Variants in FRMD4A observed in about 807,000 individuals in gnomAD.
FRMD4A encodes FERM domain containing 4A, also known as FERM domain-containing protein 4A.
Under a neutral mutation model 129.1 loss-of-function variants are expected in FRMD4A, and 29 were observed. The ratio of observed to expected loss-of-function variants is 0.22; its 90% confidence interval spans 0.17 to 0.31. FRMD4A has a LOEUF of 0.31. Ranked by LOEUF, FRMD4A falls within the 10% of genes least tolerant of loss-of-function variation. FRMD4A has a pLI of 1.00. For missense variants in FRMD4A, 1,272 were observed against 1,375.8 expected, an observed-to-expected ratio of 0.92 and a Z score of 1.19; for synonymous variants, 634 against 571.6, an observed-to-expected ratio of 1.11 and a Z score of -1.56.
intron 2 of FRMD4A, among the ~76,000 whole-genome samples, chr10:13,939,595 A>G (rs2095275257): frequency 6.6e-6 from 1 of 152,212 alleles, no homozygotes; most frequent in Non-Finnish European, 1.5e-5. Flanking sequence ...AAATGTCCAT[A>G]TGTCAAAGGT....
At chr10:13,931,950 A>AAAAC (rs1243851044) in intron 2 of FRMD4A, among the ~76,000 whole-genome samples, 115 of 124,722 alleles carry the variant, frequency 9.2e-4, no homozygotes, top group Non-Finnish European at 1.6e-3. Context: ...CTCTGTCTCA[A>AAAAC]AAACCAACCA....
At chr10:13,708,649 T>C (rs1330735463) in intron 12 of FRMD4A, among the ~76,000 whole-genome samples, 2 of 152,246 alleles carry the variant, frequency 1.3e-5, no homozygotes, top group Non-Finnish European at 1.5e-5. Flanking sequence ...AGCTCTATGT[T>C]GGCTGACAGC....
chr10:13,657,527 C>A lies in FRMD4A; in HGVS notation c.2067-5G>T, dbSNP rs1025776786. 4 of 1,363,208 alleles carry A rather than the reference C, an allele frequency of 2.9e-6. No homozygotes were observed. The highest frequency in any genetic ancestry group is 2.1e-5 in the Admixed American group (1 of 48,214). The allele number at this position is 1,363,208 out of a possible 1,614,324, so 84.4% of individuals were successfully genotyped here. A position where few individuals can be genotyped will look rare whatever the true frequency, so the allele number is the denominator to read the frequency against. On this transcript the variant is annotated splice_region_variant and splice_polypyrimidine_tract_variant and intron_variant, in intron 21 of 24. Transcript: ENST00000357447. Reference sequence around the variant, plus strand: ...GTGGGGCTGATGTCCACCGACCTGCCGGGAGACGACCCGGGTTGGTCTGGG... The same window carrying A: ...GTGGGGCTGATGTCCACCGACCTGCAGGGAGACGACCCGGGTTGGTCTGGG...
intron 2 of FRMD4A, among the ~76,000 whole-genome samples, chr10:14,019,517 A>G (rs1005513973): frequency 2.6e-5 from 4 of 152,180 alleles, no homozygotes; most frequent in Non-Finnish European, 5.9e-5. Flanking sequence ...GGGGGAAGAG[A>G]CACATGTGTT....
intron 2 of FRMD4A, among the ~76,000 whole-genome samples, chr10:14,014,446 AG>A (rs1197467872): frequency 6.6e-6 from 1 of 152,204 alleles, no homozygotes; most frequent in Non-Finnish European, 1.5e-5. Flanking sequence ...CTAGAGCAGG[AG>A]GGGGGAGTTT....
At chr10:14,305,237 TTAC>T (rs1846310505) in intron 2 of FRMD4A, among the ~76,000 whole-genome samples, 1 of 152,212 alleles carries the variant, frequency 6.6e-6, no homozygotes, top group South Asian at 2.1e-4. Flanking sequence ...CTTGAGCTAT[TTAC>T]CAGGTTCATT....
At chr10:13,957,496 C>T (rs907237188) in intron 2 of FRMD4A, among the ~76,000 whole-genome samples, 4 of 152,230 alleles carry the variant, frequency 2.6e-5, no homozygotes, top group African/African-American at 7.2e-5. Flanking sequence ...CTTAGGTGAT[C>T]CACCCGCCTC....
At chr10:13,849,871 T>C (rs1173785805) in intron 3 of FRMD4A, among the ~76,000 whole-genome samples, 1 of 151,716 alleles carries the variant, frequency 6.6e-6, no homozygotes, top group East Asian at 2.0e-4. Flanking sequence ...CACCTGTGCA[T>C]AGAGAATCCA....
chr10:13,845,606 C>A (rs940364169), intron 3 of FRMD4A, among the ~76,000 whole-genome samples: 4 of 152,128 alleles, frequency 2.6e-5, no homozygotes, highest in African/African-American at 9.7e-5. Context: ...GTTACCATAG[C>A]TACTAAGCAG....
At chr10:14,137,289 T>C (rs1346059378) in intron 2 of FRMD4A, among the ~76,000 whole-genome samples, 2 of 152,246 alleles carry the variant, frequency 1.3e-5, no homozygotes, top group African/African-American at 4.8e-5. Context: ...ATCCTGACTC[T>C]GAAACAAGAT....
chr10:14,329,364 G>C (rs553713298), intron 2 of FRMD4A, among the ~76,000 whole-genome samples: 1 of 152,190 alleles, frequency 6.6e-6, no homozygotes, highest in East Asian at 1.9e-4. Context: ...AAGCCAATTG[G>C]GTTGGAACAA....
chr10:14,137,838 C>T (rs115360296), intron 2 of FRMD4A, among the ~76,000 whole-genome samples: 1,657 of 152,260 alleles, frequency 0.011, 23 homozygotes, highest in African/African-American at 0.037. Flanking sequence ...CTTGCCTCTC[C>T]TCTTTCCCCT....
chr10:14,140,445 C>T (rs1839780110), intron 2 of FRMD4A, among the ~76,000 whole-genome samples: 1 of 152,220 alleles, frequency 6.6e-6, no homozygotes. Flanking sequence ...TTATTGAATA[C>T]TCACTTCCAA....
chr10:13,812,615 G>C (rs535123833), intron 3 of FRMD4A, among the ~76,000 whole-genome samples: 5 of 152,314 alleles, frequency 3.3e-5, no homozygotes, highest in Admixed American at 3.3e-4. Context: ...AAGAGCTAGC[G>C]CTGAGTTTAA....
chr10:13,881,162 A>G (rs1401657837), intron 2 of FRMD4A, among the ~76,000 whole-genome samples: 1 of 151,770 alleles, frequency 6.6e-6, no homozygotes, highest in Non-Finnish European at 1.5e-5. Flanking sequence ...TCACACCTGT[A>G]ATCCCAGAGC....
At chr10:14,200,528 G>A (rs1842605224) in intron 2 of FRMD4A, among the ~76,000 whole-genome samples, 1 of 152,132 alleles carries the variant, frequency 6.6e-6, no homozygotes, top group South Asian at 2.1e-4. Context: ...CCTGACCTCA[G>A]GTGATATCAT....
chr10:14,264,985 T>C (rs1844929116), intron 2 of FRMD4A, among the ~76,000 whole-genome samples: 1 of 152,150 alleles, frequency 6.6e-6, no homozygotes, highest in Admixed American at 6.5e-5. Context: ...GGTTTCACCA[T>C]ATTGGCCAGG....
At chr10:13,773,036 T>C (rs1177649943) in intron 6 of FRMD4A, among the ~76,000 whole-genome samples, 1 of 152,238 alleles carries the variant, frequency 6.6e-6, no homozygotes, top group East Asian at 1.9e-4. Flanking sequence ...ACACATTACA[T>C]GCCTGTATCA....
chr10:14,205,967 C>G (rs1425312902), intron 2 of FRMD4A, among the ~76,000 whole-genome samples: 1 of 152,066 alleles, frequency 6.6e-6, no homozygotes, highest in Non-Finnish European at 1.5e-5. Context: ...TCTTGAGACT[C>G]TTATTTCTTT....
Sources: allele counts gnomAD v4.1 joint callset (sites outside exome capture counted in the v4.1 genomes callset), GRCh38; gene constraint gnomAD v4.1.1; transcripts MANE v1.5; gene names NCBI Gene and HGNC (gene_info 2026-07-23, HGNC 2026-07-21).